The following DIPK1A variants were observed in gnomAD, a reference collection of about 807,000 sequenced individuals.
DIPK1A encodes divergent protein kinase domain 1A.
A neutral mutation model predicts 40.8 loss-of-function variants in DIPK1A; 27 were observed. That is an observed-to-expected ratio of 0.66 (90% CI 0.49 to 0.91). The LOEUF (loss-of-function observed/expected upper bound fraction) is 0.91. Among genes scored for constraint, DIPK1A ranks in the 40% least tolerant of loss-of-function variants. The pLI is 0.00. For synonymous variants in DIPK1A, 166 were observed against 171.3 expected (o/e 0.97, Z 0.24); for missense variants, 412 against 505.7 (o/e 0.81, Z 1.78).
rs1218209153 is a variant in DIPK1A at position 92,846,892 on chromosome 1, C to CATATATATAT, written c.474+290_474+291insATATATATAT. Reference sequence around the variant, plus strand: ...ATATATATATATATATACACACACACGTATATATATATATACGTGTATATA... The same window carrying CATATATATAT: ...ATATATATATATATATACACACACACATATATATATGTATATATATATATACGTGTATATA... On this transcript the variant is annotated intron_variant, in intron 4 of 4. Coordinates refer to ENST00000370310, the MANE Select transcript of DIPK1A (RefSeq NM_001006605.5). Among the ~76,000 whole-genome samples the CATATATATAT allele has an allele frequency of 6.1e-3, 39 of 6,424 alleles. 17 individuals carry two copies. The highest frequency in any genetic ancestry group is 0.17 in the Middle Eastern group (2 of 12). 4.2% of individuals were successfully genotyped at this position (6,424 alleles called of 152,430 possible).
chr1:92,833,308 A>C, intron 4 of DIPK1A: 1 of 1,151,000 alleles, frequency 8.7e-7, no homozygotes, highest in Non-Finnish European at 1.3e-6. Flanking sequence ...TTCAAGTGTT[A>C]CTTTGTTACA....
intron 2 of DIPK1A, among the ~76,000 whole-genome samples, chr1:92,856,936 G>GGT (rs1289354414): frequency 6.6e-6 from 1 of 151,928 alleles, no homozygotes; most frequent in Non-Finnish European, 1.5e-5. Context: ...TGAATAAAGT[G>GGT]GTATATTCAT....
intron 1 of DIPK1A, among the ~76,000 whole-genome samples, chr1:92,925,486 G>T (rs4420089): frequency 0.32 from 48,482 of 151,768 alleles, 8,223 homozygotes; most frequent in Non-Finnish European, 0.37. Context: ...GTTTTTTGGG[G>T]TTTTTTTGTT....
Position 92,911,064 on chromosome 1 carries a change from T to C in DIPK1A, c.55-34634A>G, listed in dbSNP as rs369772550. Among the ~76,000 whole-genome samples the C allele has an allele frequency of 4.6e-5, 7 of 152,360 alleles. No homozygotes were observed. The East Asian group carries it at 9.6e-4, about 21-fold the overall frequency. On this transcript the variant is annotated intron_variant, in intron 1 of 4. Coordinates refer to ENST00000370310, the MANE Select transcript of DIPK1A (RefSeq NM_001006605.5). ...ATGGATTCATACAATATGTAAACTTTGAGACTGGCTTTTTTTCGGCAAGCA... is the reference window on the plus strand; with the variant it reads ...ATGGATTCATACAATATGTAAACTTCGAGACTGGCTTTTTTTCGGCAAGCA...
chr1:92,947,177 A>G (rs1012132465), intron 1 of DIPK1A, among the ~76,000 whole-genome samples: 1 of 152,190 alleles, frequency 6.6e-6, no homozygotes, highest in Admixed American at 6.5e-5. Context: ...ATAATTTTGA[A>G]TGCATTTTTC....
intron 4 of DIPK1A, chr1:92,833,916 G>A (rs760374250): frequency 6.3e-5 from 30 of 479,636 alleles, no homozygotes; most frequent in Non-Finnish European, 1.1e-4. Flanking sequence ...GACCAGCCTG[G>A]GCAATATAGT....
intron 1 of DIPK1A, among the ~76,000 whole-genome samples, chr1:92,920,854 C>G (rs770350215): frequency 6.6e-6 from 1 of 152,182 alleles, no homozygotes; most frequent in Non-Finnish European, 1.5e-5. Flanking sequence ...AACCAAAGAA[C>G]TGAGTCTCAG....
chr1:92,920,354 G>C (rs1650223095), intron 1 of DIPK1A, among the ~76,000 whole-genome samples: 1 of 152,176 alleles, frequency 6.6e-6, no homozygotes, highest in Non-Finnish European at 1.5e-5. Flanking sequence ...AGCTCTCCTT[G>C]CCTGCCACCA....
Position 92,891,583 on chromosome 1 carries a change from G to A in DIPK1A, c.55-15153C>T, listed in dbSNP as rs543496919. On this transcript the variant is annotated intron_variant, in intron 1 of 4. Transcript: ENST00000370310. ...CCAGTCTACAGCTCCCAGCATGAGC[G>A]ATGCAGAACACAGGTGATTTCTGCA... Among the ~76,000 whole-genome samples, 97 of 152,248 alleles carry A rather than the reference G, an allele frequency of 6.4e-4. 1 individual carries two copies. Among genetic ancestry groups the A allele is most frequent in the African/African-American group, 2.0e-3 (85 of 41,540 alleles).
At chr1:92,898,491 T>C (rs572028862) in intron 1 of DIPK1A, among the ~76,000 whole-genome samples, 4 of 152,226 alleles carry the variant, frequency 2.6e-5, no homozygotes, top group Non-Finnish European at 5.9e-5. Flanking sequence ...ATTCAAACCA[T>C]ATCACAAAAC....
chr1:92,851,791 G>A (rs1687835325), intron 2 of DIPK1A, among the ~76,000 whole-genome samples: 1 of 152,108 alleles, frequency 6.6e-6, no homozygotes, highest in Non-Finnish European at 1.5e-5. Flanking sequence ...ACCTGCTGTG[G>A]TCCCCACTCT....
intron 4 of DIPK1A, 28 bp downstream of exon 4, chr1:92,847,155 C>T (rs780042045): frequency 1.4e-6 from 2 of 1,439,842 alleles, no homozygotes; most frequent in Admixed American, 2.5e-5. Context: ...CCACTTCACA[C>T]TAGCAACATA....
intron 1 of DIPK1A, among the ~76,000 whole-genome samples, chr1:92,920,224 A>G (rs1380412350): frequency 6.6e-6 from 1 of 152,238 alleles, no homozygotes; most frequent in Non-Finnish European, 1.5e-5. Flanking sequence ...CCCATGTGTC[A>G]AGGGCGTGGC....
At chr1:92,947,160 T>C (rs1651407607) in intron 1 of DIPK1A, among the ~76,000 whole-genome samples, 4 of 152,166 alleles carry the variant, frequency 2.6e-5, no homozygotes, top group Admixed American at 2.0e-4. Flanking sequence ...GTTTTAAGTA[T>C]GTAAGAATAA....
chr1:92,938,640 C>T (rs2100886327), intron 1 of DIPK1A, among the ~76,000 whole-genome samples: 1 of 152,184 alleles, frequency 6.6e-6, no homozygotes, highest in African/African-American at 2.4e-5. Flanking sequence ...TTTGGAAAGT[C>T]ATTCAAAAAT....
intron 1 of DIPK1A, among the ~76,000 whole-genome samples, chr1:92,877,667 T>C (rs764998433): frequency 5.3e-5 from 8 of 152,208 alleles, no homozygotes; most frequent in Non-Finnish European, 1.2e-4. Flanking sequence ...TGAGCTTTAT[T>C]ATTAAAATGA....
intron 4 of DIPK1A, chr1:92,834,697 T>G (rs1325219730): frequency 1.3e-6 from 2 of 1,577,898 alleles, no homozygotes; most frequent in Non-Finnish European, 1.7e-6. Context: ...ATCAATGTTT[T>G]TTTATTCCCT....
chr1:92,870,501 C>T (rs1022365395), intron 2 of DIPK1A, among the ~76,000 whole-genome samples: 1 of 152,246 alleles, frequency 6.6e-6, no homozygotes, highest in East Asian at 1.9e-4. Context: ...GCTGGGATTA[C>T]AGGCGTGAGC....
At chr1:92,908,750 C>T (rs768932906) in intron 1 of DIPK1A, among the ~76,000 whole-genome samples, 1 of 152,120 alleles carries the variant, frequency 6.6e-6, no homozygotes, top group African/African-American at 2.4e-5. Context: ...AGCTAAATAG[C>T]ACAAAGGTTC....
Sources: gnomAD v4.1 joint callset for allele counts (sites outside exome capture counted in the v4.1 genomes callset) on GRCh38, gnomAD v4.1.1 for gene constraint, MANE v1.5 for transcripts, NCBI Gene and HGNC (gene_info 2026-07-23, HGNC 2026-07-21) for gene names.